The following HINT3 variants were observed in gnomAD, a reference collection of about 807,000 sequenced individuals.
HINT3 encodes the protein adenosine 5'-monophosphoramidase HINT3.
In HINT3, 16 loss-of-function variants were observed where a neutral mutation model predicts 19.1. The ratio of observed to expected loss-of-function variants is 0.84; its 90% CI spans 0.57 to 1.27. The LOEUF is 1.27. Ranked by LOEUF, HINT3 falls within the 50% of genes most tolerant of loss-of-function variation. The pLI, the probability that HINT3 is intolerant of heterozygous loss-of-function variation, is 0.00. For missense variants in HINT3, 197 were observed against 225.8 expected (o/e 0.87, Z 0.82); for synonymous variants, 75 against 84.8 (o/e 0.88, Z 0.63).
At chr6:125,972,626 G>A (rs1437854992) in intron 3 of HINT3, among the ~76,000 whole-genome samples, 2 of 152,146 alleles carry the variant, frequency 1.3e-5, no homozygotes, top group Non-Finnish European at 2.9e-5. Context: ...ATCTCACTGT[G>A]TTGCCCAGGC....
chr6:125,957,230 A>T (rs774938764), intron 1 of HINT3, 52 bp downstream of exon 1: 24 of 1,494,746 alleles, frequency 1.6e-5, no homozygotes, highest in Non-Finnish European at 2.1e-5. Context: ...CGCCCCTCGG[A>T]GCTCCGGCAG....
chr6:125,970,285 T>C (rs1789080324), intron 2 of HINT3, among the ~76,000 whole-genome samples: 1 of 152,198 alleles, frequency 6.6e-6, no homozygotes, highest in South Asian at 2.1e-4. Flanking sequence ...CCCTGTACTG[T>C]ACATTTGAGC....
intron 1 of HINT3, among the ~76,000 whole-genome samples, chr6:125,959,675 G>C (rs964054807): frequency 6.6e-5 from 10 of 152,220 alleles, no homozygotes; most frequent in Non-Finnish European, 1.2e-4. Flanking sequence ...AGGAGGGAAA[G>C]GTAGTGGTAG....
chr6:125,960,740 G>A (rs1224290396), intron 1 of HINT3, among the ~76,000 whole-genome samples: 1 of 148,124 alleles, frequency 6.8e-6, no homozygotes, highest in African/African-American at 2.5e-5. Flanking sequence ...GGAGAAGGAA[G>A]TAAAGACAGC....
Position 125,978,430 on chromosome 6 carries a change from A to G in HINT3, c.*754A>G, listed in dbSNP as rs1385679225. The G allele has an allele frequency of 6.6e-6, 1 of 152,160 alleles. No individual in the cohort carries two copies. The highest frequency in any genetic ancestry group is 1.5e-5 in the Non-Finnish European group (1 of 67,992). The allele number at this position is 152,160 out of a possible 1,614,324, so 9.4% of individuals were successfully genotyped here. On this transcript the variant is annotated 3_prime_UTR_variant, in exon 5 of 5. Coordinates refer to ENST00000229633, the MANE Select transcript of HINT3 (RefSeq NM_138571.5). ...TAAAACTAGCAGAAAATGTTGCTTTATGGCATGTTTTTGTATCAAAGAGAA... is the reference window on the plus strand; with the variant it reads ...TAAAACTAGCAGAAAATGTTGCTTTGTGGCATGTTTTTGTATCAAAGAGAA...
chr6:125,961,332 AC>A (rs2128710556), intron 1 of HINT3, among the ~76,000 whole-genome samples: 1 of 152,236 alleles, frequency 6.6e-6, no homozygotes, highest in East Asian at 1.9e-4. Flanking sequence ...CACCAAGCAA[AC>A]AATCAGTTTT....
At chr6:125,960,204 G>T (rs1221433278) in intron 1 of HINT3, among the ~76,000 whole-genome samples, 1 of 152,186 alleles carries the variant, frequency 6.6e-6, no homozygotes, top group Non-Finnish European at 1.5e-5. Flanking sequence ...TGAGGTTGAG[G>T]ACATTCAATT....
rs1460537676 is a variant in HINT3, at chr6:125,956,915, G to A, written c.-63G>A. The stretch of plus-strand genomic sequence containing the variant: ...TAAAACGGAGGAGGTGCGGGACGCG[G>A]AGACTGCGCGGGCCCGGTAGCCCTG... On this transcript the variant is annotated 5_prime_UTR_variant, in exon 1 of 5. Coordinates refer to ENST00000229633, the MANE Select transcript of HINT3 (RefSeq NM_138571.5). 2 of 1,487,296 alleles carry A rather than the reference G, an allele frequency of 1.3e-6. No homozygotes were observed. Among genetic ancestry groups the A allele is most frequent in the African/African-American group, 1.4e-5 (1 of 71,694 alleles). The allele number at this position is 1,487,296 out of a possible 1,614,324, so 92.1% of individuals were successfully genotyped here. A position where few individuals can be genotyped will look rare whatever the true frequency, so the allele number is the denominator to read the frequency against.
At chr6:125,965,036 A>G (rs1788999434) in intron 1 of HINT3, among the ~76,000 whole-genome samples, 2 of 152,210 alleles carry the variant, frequency 1.3e-5, no homozygotes, top group Admixed American at 1.3e-4. Flanking sequence ...AGTTTTTATT[A>G]GGATTGGGAT....
chr6:125,958,352 T>A (rs1010918577), intron 1 of HINT3, among the ~76,000 whole-genome samples: 2 of 152,178 alleles, frequency 1.3e-5, no homozygotes, highest in African/African-American at 4.8e-5. Context: ...TGTGAAGGAA[T>A]TTGTCTTTAT....
rs1237983385 is a variant in HINT3 at position 125,978,532 on chromosome 6, G to C, written c.*856G>C. ...GAGATAGGCTTAGATGAGAAAAATTGATAACGCAATGTTAATACTATTGAT... is the reference window on the plus strand; with the variant it reads ...GAGATAGGCTTAGATGAGAAAAATTCATAACGCAATGTTAATACTATTGAT... On this transcript the variant is annotated 3_prime_UTR_variant, in exon 5 of 5. Transcript: ENST00000229633. 1 of 152,118 alleles carries C rather than the reference G, an allele frequency of 6.6e-6. No homozygotes were observed. The highest frequency in any genetic ancestry group is 1.5e-5 in the Non-Finnish European group (1 of 67,998). 9.4% of individuals were successfully genotyped at this position (152,118 alleles called of 1,614,324 possible). A position where few individuals can be genotyped will look rare whatever the true frequency, so the allele number is the denominator to read the frequency against.
intron 1 of HINT3, among the ~76,000 whole-genome samples, chr6:125,962,353 A>C (rs1788958097): frequency 6.9e-6 from 1 of 145,648 alleles, no homozygotes; most frequent in African/African-American, 2.6e-5. Flanking sequence ...ACCGTATAAT[A>C]CAAAACGTAA....
At chr6:125,964,384 A>G (rs551077447) in intron 1 of HINT3, among the ~76,000 whole-genome samples, 3 of 73,408 alleles carry the variant, frequency 4.1e-5, no homozygotes, top group Non-Finnish European at 7.4e-5. Context: ...TTCTCTTGTC[A>G]TCTCTACCAT....
intron 4 of HINT3, among the ~76,000 whole-genome samples, chr6:125,977,067 T>G (rs1437974995): frequency 1.3e-5 from 2 of 152,210 alleles, no homozygotes; most frequent in African/African-American, 4.8e-5. Context: ...GATAAATTGT[T>G]ATCACCACAG....
chr6:125,962,245 TATATACACAC>T (rs1400571806), intron 1 of HINT3, among the ~76,000 whole-genome samples: 31 of 51,096 alleles, frequency 6.1e-4, no homozygotes, highest in East Asian at 5.0e-3. Context: ...CACATATATA[TATATACACAC>T]ATATATATAT....
At chr6:125,961,299 A>G (rs1788921943) in intron 1 of HINT3, among the ~76,000 whole-genome samples, 2 of 152,172 alleles carry the variant, frequency 1.3e-5, no homozygotes, top group African/African-American at 4.8e-5. Context: ...CTGTGACCAA[A>G]TGTATGGAGG....
At chr6:125,973,548 C>T (rs563455234) in intron 3 of HINT3, among the ~76,000 whole-genome samples, 88 of 152,240 alleles carry the variant, frequency 5.8e-4, no homozygotes, top group African/African-American at 2.0e-3. Context: ...GTGTACTCTA[C>T]GTACACTGTC....
At chr6:125,968,907 T>C (rs1304098745) in intron 2 of HINT3, among the ~76,000 whole-genome samples, 1 of 152,224 alleles carries the variant, frequency 6.6e-6, no homozygotes, top group African/African-American at 2.4e-5. Flanking sequence ...ATCCGGGATA[T>C]TGCACCTTTG....
chr6:125,963,234 C>T (rs2128710931), intron 1 of HINT3, among the ~76,000 whole-genome samples: 1 of 152,222 alleles, frequency 6.6e-6, no homozygotes, highest in South Asian at 2.1e-4. Flanking sequence ...GATGTCTTGC[C>T]ATTCTTGACA....
Sources: gnomAD v4.1 joint callset for allele counts (sites outside exome capture counted in the v4.1 genomes callset) on GRCh38, gnomAD v4.1.1 for gene constraint, MANE v1.5 for transcripts, NCBI Gene and HGNC (gene_info 2026-07-23, HGNC 2026-07-21) for gene names.